Variants in NOX3 observed in about 807,000 individuals in gnomAD.
The protein encoded by NOX3 is NADPH oxidase 3.
Under a neutral mutation model 76.7 loss-of-function variants are expected in NOX3, and 74 were observed. The observed-to-expected ratio is 0.96, with a 90% confidence interval of 0.80 to 1.17. NOX3 has a LOEUF of 1.17. Among genes scored for constraint, NOX3 ranks in the 50% most tolerant of loss-of-function variants. The pLI is 0.00. For missense variants in NOX3, 695 were observed against 703.3 expected (o/e 0.99, Z 0.13); for synonymous variants, 263 against 261.1 (o/e 1.01, Z -0.07).
intron 9 of NOX3, among the ~76,000 whole-genome samples, chr6:155,428,437 A>C (rs986674375): frequency 6.6e-6 from 1 of 152,134 alleles, no homozygotes; most frequent in Admixed American, 6.5e-5. Flanking sequence ...AAATACAATA[A>C]AAAAAACTCA....
At chr6:155,411,961 C>T (rs1237011289) in intron 10 of NOX3, among the ~76,000 whole-genome samples, 3 of 152,060 alleles carry the variant, frequency 2.0e-5, no homozygotes, top group African/African-American at 7.2e-5. Context: ...GAAATTATGA[C>T]TGGGAAGAAT....
intron 4 of NOX3, among the ~76,000 whole-genome samples, chr6:155,451,057 CA>C (rs1777132992): frequency 6.6e-6 from 1 of 151,950 alleles, no homozygotes; most frequent in Non-Finnish European, 1.5e-5. Context: ...CGGCTCACTA[CA>C]ACCTCCACCT....
rs772343234 is a variant in NOX3 at position 155,430,831 on chromosome 6, C to T, written c.891+12G>A. On this transcript the variant is annotated intron_variant, in intron 8 of 13. Coordinates refer to ENST00000159060, the MANE Select transcript of NOX3 (RefSeq NM_015718.3). ...CTCAGGCTTTTATTCAGACATAAAG[C>T]TACATGCATACCTTGGTAATGACAA... The T allele has an allele frequency of 6.3e-7, 1 of 1,582,488 alleles. No homozygotes were observed. Among genetic ancestry groups the T allele is most frequent in the Non-Finnish European group, 8.7e-7 (1 of 1,153,206 alleles).
intron 8 of NOX3, among the ~76,000 whole-genome samples, chr6:155,430,343 C>G (rs1776816265): frequency 6.6e-6 from 1 of 152,076 alleles, no homozygotes; most frequent in African/African-American, 2.4e-5. Flanking sequence ...AGAACTCTAT[C>G]TTCATCCTTC....
Position 155,436,476 on chromosome 6 carries a change from G to T in NOX3, c.740C>A (p.Ala247Glu), listed in dbSNP as rs201840949. The T allele has an allele frequency of 1.1e-4, 181 of 1,614,122 alleles. No homozygotes were observed. The highest frequency in any genetic ancestry group is 1.5e-4 in the Non-Finnish European group (179 of 1,179,980). Residue 247 changes from alanine (A) to glutamate (E), a missense_variant, in exon 7 of 14, where the codon GCA becomes GAA. Physicochemically the swap from Ala to Glu is moderately radical, Grantham distance 107. Coordinates refer to ENST00000159060, the MANE Select transcript of NOX3 (RefSeq NM_015718.3). ...GCATTGGGCCACTGTCTGCCATTCTGCATAGCGGTCTCTACAGAAGGTGAT... is the reference window on the plus strand; with the variant it reads ...GCATTGGGCCACTGTCTGCCATTCTTCATAGCGGTCTCTACAGAAGGTGAT... ...HNITFCRDRYAEWQTVAQCPV... is the reference protein window; with the variant it reads ...HNITFCRDRYEEWQTVAQCPV...
At chr6:155,444,699 A>C (rs1777038804) in intron 4 of NOX3, among the ~76,000 whole-genome samples, 2 of 152,226 alleles carry the variant, frequency 1.3e-5, no homozygotes. Context: ...ATAAGTGCTT[A>C]TTTATGATGA....
chr6:155,418,119 G>A (rs1468126781), intron 10 of NOX3, among the ~76,000 whole-genome samples: 4 of 152,180 alleles, frequency 2.6e-5, no homozygotes, highest in African/African-American at 9.7e-5. Flanking sequence ...GAACTAAAAT[G>A]TGTAAGCCAA....
intron 2 of NOX3, 43 bp from the exon 3 acceptor site, chr6:155,454,964 A>G: frequency 6.3e-7 from 1 of 1,580,646 alleles, no homozygotes; most frequent in Non-Finnish European, 8.7e-7. Flanking sequence ...CAGGGAAAAC[A>G]AGGATCCAGG....
intron 4 of NOX3, among the ~76,000 whole-genome samples, chr6:155,450,674 C>T (rs948735172): frequency 1.3e-5 from 2 of 152,146 alleles, no homozygotes; most frequent in African/African-American, 4.8e-5. Context: ...CCATATCTCA[C>T]CCATTTAGCA....
chr6:155,429,085 G>A (rs231955), intron 8 of NOX3, 38 bp from the exon 9 acceptor site: 1,222,787 of 1,459,696 alleles, frequency 0.84, 514,217 homozygotes, highest in East Asian at 0.98. Context: ...CTTTGTCCTC[G>A]AAATAATAAA....
chr6:155,441,049 A>T (rs1776979011), intron 5 of NOX3, among the ~76,000 whole-genome samples: 2 of 152,236 alleles, frequency 1.3e-5, no homozygotes, highest in Admixed American at 6.5e-5. Context: ...TCTGGTGGAC[A>T]CGGCTAAACG....
chr6:155,425,983 C>A (rs1380052884), intron 9 of NOX3, among the ~76,000 whole-genome samples: 1 of 152,120 alleles, frequency 6.6e-6, no homozygotes, highest in Non-Finnish European at 1.5e-5. Context: ...ATTCCAGGGG[C>A]TGGATTAAAT....
At chr6:155,429,527 CA>C (rs1444866618) in intron 8 of NOX3, among the ~76,000 whole-genome samples, 4 of 152,190 alleles carry the variant, frequency 2.6e-5, no homozygotes, top group African/African-American at 9.6e-5. Context: ...AAGTGAAAAA[CA>C]ATCTTCAAAC....
chr6:155,451,487 G>A (rs551144053), intron 4 of NOX3, among the ~76,000 whole-genome samples: 113 of 152,228 alleles, frequency 7.4e-4, no homozygotes, highest in African/African-American at 2.6e-3. Flanking sequence ...CTTTAACACG[G>A]GGGATATTCA....
In NOX3 at chr6:155,453,458, C is replaced by G. The variant is rs186559196; in HGVS notation, c.286G>C (p.Asp96His). 4 of 1,613,734 alleles carry G rather than the reference C, an allele frequency of 2.5e-6. No homozygotes were observed. The African/African-American group carries it at 5.3e-5, about 22-fold the overall frequency. Residue 96 changes from aspartate to histidine, a missense_variant, in exon 4 of 14, where the codon GAC (aspartate) becomes CAC (histidine). Coordinates refer to ENST00000159060, the MANE Select transcript of NOX3 (RefSeq NM_015718.3). The stretch of plus-strand genomic sequence containing the variant: ...AGTTTGTGAAATCTGAGGTTTTTGT[C>G]TAATTGCCTCCTCCACGGTCCTCTG... The part of the protein sequence containing the change: ...CCRGPWRRQL[D>H]KNLRFHKLVA...
At chr6:155,421,988 C>G (rs910772860) in intron 10 of NOX3, among the ~76,000 whole-genome samples, 2 of 152,130 alleles carry the variant, frequency 1.3e-5, no homozygotes, top group African/African-American at 4.8e-5. Context: ...ACACTGTGGA[C>G]AAAGGGTTAA....
intron 10 of NOX3, among the ~76,000 whole-genome samples, 186 bp from the exon 11 acceptor site, chr6:155,411,546 T>A (rs1447508529): frequency 1.3e-5 from 2 of 152,180 alleles, no homozygotes; most frequent in East Asian, 3.9e-4. Flanking sequence ...AAATTCACAA[T>A]GTGTTTGAAA....
At chr6:155,453,561 G>A in intron 3 of NOX3, 73 bp from the exon 4 acceptor site, 1 of 1,186,916 alleles carries the variant, frequency 8.4e-7, no homozygotes. Context: ...AGTTAAGAGA[G>A]TAGGAATCAG....
intron 12 of NOX3, among the ~76,000 whole-genome samples, chr6:155,402,457 A>G (rs902128041): frequency 2.0e-5 from 3 of 152,244 alleles, no homozygotes; most frequent in African/African-American, 7.2e-5. Context: ...AAAATTAATT[A>G]CAAACAAAAA....
Sources: gnomAD v4.1 joint callset for allele counts (sites outside exome capture counted in the v4.1 genomes callset) on GRCh38, gnomAD v4.1.1 for gene constraint, MANE v1.5 for transcripts, NCBI Gene and HGNC (gene_info 2026-07-23, HGNC 2026-07-21) for gene names.